The following ATP10A variants were observed in gnomAD, a reference collection of about 807,000 sequenced individuals.
The protein encoded by ATP10A is phospholipid-transporting ATPase VA.
In ATP10A, 111 loss-of-function variants were observed where a neutral mutation model predicts 147.8. The ratio of observed to expected loss-of-function variants is 0.75; its 90% CI spans 0.64 to 0.88. The LOEUF is 0.88. ATP10A is among the 40% of genes least tolerant of loss of function. The pLI, the probability that ATP10A is intolerant of heterozygous loss-of-function variation, is 0.00. For missense variants in ATP10A, 1,927 were observed against 1,959.0 expected, an observed-to-expected ratio of 0.98 and a Z score of 0.31; for synonymous variants, 875 against 841.6, an observed-to-expected ratio of 1.04 and a Z score of -0.69.
chr15:25,676,137 G>A (rs769425970), downstream of ATP10A, among the ~76,000 whole-genome samples: 3 of 152,286 alleles, frequency 2.0e-5, no homozygotes, highest in African/African-American at 4.8e-5. Context: ...TCATGCCTTC[G>A]AGGTAACAGG....
chr15:25,807,223 A>T (rs1452401349), intron 1 of ATP10A, among the ~76,000 whole-genome samples: 2 of 152,120 alleles, frequency 1.3e-5, no homozygotes, highest in Non-Finnish European at 2.9e-5. Flanking sequence ...CTGGAGCACC[A>T]CTGGCTGCTC....
intron 2 of ATP10A, among the ~76,000 whole-genome samples, chr15:25,780,558 G>A (rs1359206014): frequency 6.6e-6 from 1 of 152,146 alleles, no homozygotes; most frequent in Non-Finnish European, 1.5e-5. Flanking sequence ...CTGCTGCACG[G>A]TGGCCAGGGC....
chr15:25,726,232 C>G, intron 4 of ATP10A, 150 bp from the exon 5 acceptor site: 1 of 771,954 alleles, frequency 1.3e-6, no homozygotes, highest in Non-Finnish European at 2.0e-6. Flanking sequence ...ATTAATCTTA[C>G]TTCCTGTTGA....
intron 1 of ATP10A, among the ~76,000 whole-genome samples, chr15:25,808,935 A>C (rs1331893448): frequency 6.6e-6 from 1 of 152,120 alleles, no homozygotes; most frequent in Non-Finnish European, 1.5e-5. Flanking sequence ...GCTTTGAGGG[A>C]AGACTGGACG....
chr15:25,742,125 C>A (rs1230900450), intron 2 of ATP10A, among the ~76,000 whole-genome samples: 1 of 150,888 alleles, frequency 6.6e-6, no homozygotes, highest in Non-Finnish European at 1.5e-5. Flanking sequence ...CATGGCGGGA[C>A]ACTCCACTGC....
At chr15:25,717,068 G>T in intron 8 of ATP10A, 144 bp from the exon 9 acceptor site, 1 of 537,206 alleles carries the variant, frequency 1.9e-6, no homozygotes, top group Non-Finnish European at 2.9e-6. Context: ...TTTTATAATT[G>T]TAAATTACTT....
Position 25,716,911 on chromosome 15 carries a change from G to A in ATP10A, c.1595C>T (p.Thr532Met), listed in dbSNP as rs2066703. 0.079 allele frequency: 123,917 copies of A among 1,577,164 alleles called. 5,337 individuals are homozygous for A. Among genetic ancestry groups the A allele is most frequent in the African/African-American group, 0.11 (8,128 of 73,990 alleles). ...CTTCTCCAGCAGCTTTGGGTCGGGC[G>A]TGATATCCTTCTCCTGGGAGAAAGG... ...AFSSPMEKDI[T>M]PDPKLLEKVS... Residue 532 changes from threonine to methionine, a missense_variant, in exon 9 of 21, where the codon ACG becomes ATG. By Grantham distance (81) the Thr-to-Met change is moderately conservative. Transcript: ENST00000555815.
chr15:25,717,040 T>G, intron 8 of ATP10A, 116 bp from the exon 9 acceptor site: 1 of 666,092 alleles, frequency 1.5e-6, no homozygotes, highest in Non-Finnish European at 2.3e-6. Flanking sequence ...ACTTCATCTC[T>G]CATATACATA....
At chr15:25,857,444 C>G (rs1392128045) in intron 1 of ATP10A, among the ~76,000 whole-genome samples, 4 of 152,064 alleles carry the variant, frequency 2.6e-5, no homozygotes, top group African/African-American at 9.7e-5. Context: ...AAGACTCTGT[C>G]TTAAAAAATA....
intron 12 of ATP10A, 93 bp downstream of exon 12, chr15:25,707,883 G>A (rs1197781004): frequency 6.5e-7 from 1 of 1,529,048 alleles, no homozygotes; most frequent in Non-Finnish European, 8.9e-7. Flanking sequence ...AGGCCAGCCT[G>A]CGGAGCAGCC....
chr15:25,804,235 T>G (rs1208952270), intron 1 of ATP10A, among the ~76,000 whole-genome samples: 1 of 151,736 alleles, frequency 6.6e-6, no homozygotes, highest in Non-Finnish European at 1.5e-5. Context: ...TCTATATGTG[T>G]GATGTGTGTG....
At chr15:25,714,910 A>G (rs1194275590) in intron 9 of ATP10A, among the ~76,000 whole-genome samples, 1 of 151,954 alleles carries the variant, frequency 6.6e-6, no homozygotes, top group African/African-American at 2.4e-5. Context: ...GAGGATCCCA[A>G]ACATTGAAAC....
chr15:25,777,969 G>C (rs1350525575), intron 2 of ATP10A, among the ~76,000 whole-genome samples: 1 of 151,690 alleles, frequency 6.6e-6, no homozygotes, highest in Non-Finnish European at 1.5e-5. Context: ...AAAGATAACA[G>C]CTTTATTGAG....
At chr15:25,859,675 G>T (rs1301371464) in intron 1 of ATP10A, among the ~76,000 whole-genome samples, 1 of 152,104 alleles carries the variant, frequency 6.6e-6, no homozygotes, top group Non-Finnish European at 1.5e-5. Context: ...AATGGGTTCA[G>T]AAGGAGGAAA....
chr15:25,840,701 C>A (rs1200723355), intron 1 of ATP10A, among the ~76,000 whole-genome samples: 1 of 152,106 alleles, frequency 6.6e-6, no homozygotes, highest in African/African-American at 2.4e-5. Flanking sequence ...GATTATATGA[C>A]AATTCTATTT....
intron 1 of ATP10A, among the ~76,000 whole-genome samples, chr15:25,849,988 A>G (rs1018547755): frequency 6.6e-6 from 1 of 152,244 alleles, no homozygotes; most frequent in Non-Finnish European, 1.5e-5. Context: ...CGATGGCACT[A>G]TGAAATGCCA....
chr15:25,676,700 C>G (rs1243572524), downstream of ATP10A, among the ~76,000 whole-genome samples: 1 of 151,812 alleles, frequency 6.6e-6, no homozygotes, highest in Non-Finnish European at 1.5e-5. Context: ...TCTTTATGGC[C>G]TGAAGTCTAT....
intron 1 of ATP10A, among the ~76,000 whole-genome samples, chr15:25,832,918 T>C (rs1376800578): frequency 1.3e-5 from 2 of 152,144 alleles, no homozygotes; most frequent in Non-Finnish European, 2.9e-5. Context: ...GCAATATCAC[T>C]CTGTGCTCCA....
At chr15:25,821,402 A>AC (rs1452236217) in intron 1 of ATP10A, among the ~76,000 whole-genome samples, 12 of 128,438 alleles carry the variant, frequency 9.3e-5, no homozygotes, top group East Asian at 2.0e-4. Context: ...AAAAAAACAA[A>AC]AAAAAAAACA....
Sources: allele counts gnomAD v4.1 joint callset (sites outside exome capture counted in the v4.1 genomes callset), GRCh38; gene constraint gnomAD v4.1.1; transcripts MANE v1.5; gene names NCBI Gene and HGNC (gene_info 2026-07-23, HGNC 2026-07-21).